Variants in TCTN1 observed in about 807,000 individuals in gnomAD.
TCTN1 encodes the protein tectonic family member 1.
Under a neutral mutation model 65.8 loss-of-function variants are expected in TCTN1, and 58 were observed. That is an observed-to-expected ratio of 0.88 (90% CI 0.71 to 1.10). The LOEUF is 1.10. Among genes scored for constraint, TCTN1 ranks in the 50% least tolerant of loss-of-function variants. The pLI, the probability that TCTN1 is intolerant of heterozygous loss-of-function variation, is 0.00. For synonymous variants in TCTN1, 273 were observed against 289.1 expected (o/e 0.94, Z 0.57); for missense variants, 645 against 719.4 (o/e 0.90, Z 1.18).
chr12:110,638,323 T>C (rs1003835017), intron 7 of TCTN1, among the ~76,000 whole-genome samples: 15 of 152,234 alleles, frequency 9.9e-5, no homozygotes, highest in African/African-American at 3.6e-4. Flanking sequence ...GGTTGTGCTC[T>C]AAAGGACAAG....
At position 110,639,752 on chromosome 12, in the gene TCTN1, C is replaced by G. The variant is rs77786875; in HGVS notation, c.844-631C>G. On this transcript the variant is annotated intron_variant, in intron 7 of 14. Transcript: ENST00000397659. The surrounding 1 kb of genome is among the most constrained non-coding windows in gnomAD (Gnocchi z 4.9). ...TTTAGTATAGTCACAGGTTGTGCAACCATCACCACTAATTCCGGAACATTT... is the reference window on the plus strand; with the variant it reads ...TTTAGTATAGTCACAGGTTGTGCAAGCATCACCACTAATTCCGGAACATTT... Among the ~76,000 whole-genome samples the G allele has an allele frequency of 1.3e-5, 2 of 152,246 alleles. No individual in the cohort carries two copies. Among genetic ancestry groups the G allele is most frequent in the Non-Finnish European group, 2.9e-5 (2 of 68,026 alleles).
In TCTN1 at chr12:110,649,169, G is replaced by GCAAT. The variant is rs778961622; in HGVS notation, c.*128_*129insCAAT. Reference sequence around the variant, plus strand: ...TTGCTCATTTTCAATTAAGGCTAAAGTGTTCAACATGAGAAAATGTGATAC... The same window carrying GCAAT: ...TTGCTCATTTTCAATTAAGGCTAAAGCAATTGTTCAACATGAGAAAATGTGATAC... On this transcript the variant is annotated 3_prime_UTR_variant, in exon 15 of 15. Coordinates refer to ENST00000397659, the MANE Select transcript of TCTN1 (RefSeq NM_001082538.3). The GCAAT allele has an allele frequency of 2.9e-6, 2 of 681,978 alleles. No homozygotes were observed. The highest frequency in any genetic ancestry group is 3.2e-5 in the South Asian group (2 of 63,242). 42.2% of individuals were successfully genotyped at this position (681,978 alleles called of 1,614,324 possible). A position where few individuals can be genotyped will look rare whatever the true frequency, so the allele number is the denominator to read the frequency against.
chr12:110,628,281 G>A, intron 3 of TCTN1: 1 of 1,510,936 alleles, frequency 6.6e-7, no homozygotes. Flanking sequence ...TGAGTCTGGA[G>A]GTCCTGTTTG....
chr12:110,614,517 C>G (rs2064900088), intron 1 of TCTN1, 115 bp downstream of exon 1: 1 of 1,527,548 alleles, frequency 6.5e-7, no homozygotes, highest in Non-Finnish European at 8.8e-7. Flanking sequence ...TGTGTGCAGA[C>G]ACTGCTGAGT....
chr12:110,630,327 C>T (rs1169710222), intron 4 of TCTN1: 1 of 152,190 alleles, frequency 6.6e-6, no homozygotes, highest in Admixed American at 6.5e-5. Context: ...TTGTTCTCCT[C>T]AACCTTAAAA....
At chr12:110,623,907 T>G (rs1416042829) in intron 2 of TCTN1, among the ~76,000 whole-genome samples, 1 of 151,982 alleles carries the variant, frequency 6.6e-6, no homozygotes, top group Non-Finnish European at 1.5e-5. Flanking sequence ...ATATCTATAT[T>G]GGTTAAACAA....
chr12:110,614,244 G>C lies in TCTN1; in HGVS notation c.62G>C (p.Ser21Thr), dbSNP rs751250484. ...VVLLGCWASV[S>T]AQTDATPAVT... ...CTCCTGGGCTGCTGGGCCTCCGTGA[G>C]CGCCCAGACCGATGCCACCCCGGCG... Residue 21 changes from serine (S) to threonine (T), a missense_variant, in exon 1 of 15, where the codon AGC becomes ACC. Physicochemically the swap from Ser to Thr is moderately conservative, Grantham distance 58. Coordinates refer to ENST00000397659, the MANE Select transcript of TCTN1 (RefSeq NM_001082538.3). 3.6e-5 allele frequency: 57 copies of C among 1,593,128 alleles called. No homozygotes were observed. The highest frequency in any genetic ancestry group is 4.9e-5 in the Non-Finnish European group (57 of 1,170,684).
chr12:110,620,644 A>G (rs975222373), intron 2 of TCTN1, among the ~76,000 whole-genome samples: 4 of 152,158 alleles, frequency 2.6e-5, no homozygotes, highest in African/African-American at 9.7e-5. Context: ...TAGTATTTGT[A>G]ACAAAAAATT....
intron 2 of TCTN1, 23 bp from the exon 3 acceptor site, chr12:110,626,339 A>G (rs1489029649): frequency 1.3e-6 from 2 of 1,549,696 alleles, no homozygotes; most frequent in Admixed American, 3.9e-5. Flanking sequence ...GTAACTTTGT[A>G]TTATTATTTT....
chr12:110,626,257 C>T, intron 2 of TCTN1, 105 bp from the exon 3 acceptor site: 1 of 1,293,826 alleles, frequency 7.7e-7, no homozygotes, highest in Non-Finnish European at 1.1e-6. Context: ...CTCCACGTAA[C>T]TGTTAACATA....
At chr12:110,618,404 CT>C (rs1399361726) in intron 1 of TCTN1, among the ~76,000 whole-genome samples, 1 of 152,176 alleles carries the variant, frequency 6.6e-6, no homozygotes, top group African/African-American at 2.4e-5. Context: ...CCACACCCAG[CT>C]AGTTTTTATA....
intron 3 of TCTN1, among the ~76,000 whole-genome samples, chr12:110,627,304 C>T (rs547389312): frequency 1.2e-3 from 179 of 151,956 alleles, no homozygotes; most frequent in Non-Finnish European, 2.2e-3. Flanking sequence ...ACCATGTTGG[C>T]GAGGCTGGTC....
intron 2 of TCTN1, among the ~76,000 whole-genome samples, chr12:110,620,258 A>C (rs1330386194): frequency 3.9e-5 from 6 of 152,080 alleles, no homozygotes; most frequent in South Asian, 2.1e-4. Flanking sequence ...ATCCAAAAAA[A>C]TTAGCCGGGC....
Position 110,649,090 on chromosome 12 carries a change from CTG to C in TCTN1, c.*51_*52del, listed in dbSNP as rs763873061. 1.2e-5 allele frequency: 7 copies of C among 605,272 alleles called. No homozygotes were observed. Among genetic ancestry groups the C allele is most frequent in the East Asian group, 7.2e-5 (2 of 27,840 alleles). The allele number at this position is 605,272 out of a possible 1,614,324, so 37.5% of individuals were successfully genotyped here. A position where few individuals can be genotyped will look rare whatever the true frequency, so the allele number is the denominator to read the frequency against. ...TTAATATACACGTGAAATTTGAAAA[CTG>C]TACATTCGGTGAGATTAAATTTTAT... On this transcript the variant is annotated 3_prime_UTR_variant, in exon 15 of 15. Coordinates refer to ENST00000397659, the MANE Select transcript of TCTN1 (RefSeq NM_001082538.3).
intron 2 of TCTN1, among the ~76,000 whole-genome samples, chr12:110,622,709 A>G (rs902065227): frequency 1.3e-5 from 2 of 151,988 alleles, no homozygotes; most frequent in Admixed American, 6.6e-5. Flanking sequence ...TAGGAAAGAG[A>G]TCAGGGGTCA....
At chr12:110,635,309 C>G (rs974775101) in intron 6 of TCTN1, among the ~76,000 whole-genome samples, 4 of 152,090 alleles carry the variant, frequency 2.6e-5, no homozygotes, top group African/African-American at 9.7e-5. Flanking sequence ...CACTGGCCCA[C>G]ATGACAGATG....
chr12:110,640,348 G>C lies in TCTN1; in HGVS notation c.844-35G>C. 4 of 1,613,978 alleles carry C rather than the reference G, an allele frequency of 2.5e-6. No individual in the cohort carries two copies. The highest frequency in any genetic ancestry group is 3.4e-6 in the Non-Finnish European group (4 of 1,179,956). Reference sequence around the variant, plus strand: ...TATTTTAGCCCATCCTCCCTGGGTAGAGCATCTTCAACACTCCAGGTCTTC... The same window carrying C: ...TATTTTAGCCCATCCTCCCTGGGTACAGCATCTTCAACACTCCAGGTCTTC... On this transcript the variant is annotated intron_variant, in intron 7 of 14. Coordinates refer to ENST00000397659, the MANE Select transcript of TCTN1 (RefSeq NM_001082538.3). This position sits in a 1 kb window ranked among gnomAD's most constrained non-coding sequence, Gnocchi z 4.9.
chr12:110,643,681 A>G (rs2067113990), intron 11 of TCTN1: 4 of 151,790 alleles, frequency 2.6e-5, no homozygotes, highest in Admixed American at 2.6e-4. Flanking sequence ...CCATTTACTT[A>G]TATTATTTTT....
At chr12:110,641,185 C>A in intron 9 of TCTN1, 36 bp downstream of exon 9, 1 of 1,613,646 alleles carries the variant, frequency 6.2e-7, no homozygotes. Flanking sequence ...TATTTAATTG[C>A]CAAGTTAAAA....
Sources: allele counts gnomAD v4.1 joint callset (sites outside exome capture counted in the v4.1 genomes callset), GRCh38; gene constraint gnomAD v4.1.1; non-coding constraint Gnocchi (gnomAD v3.1); transcripts MANE v1.5; gene names NCBI Gene and HGNC (gene_info 2026-07-23, HGNC 2026-07-21).